Variants in RNLS observed in about 807,000 individuals in gnomAD.
RNLS encodes renalase, FAD dependent amine oxidase, also known as renalase.
Under a neutral mutation model 39.8 loss-of-function variants are expected in RNLS, and 39 were observed. The observed-to-expected ratio is 0.98, with a 90% CI of 0.76 to 1.28. The LOEUF (loss-of-function observed/expected upper bound fraction) is 1.28, where lower values mean the gene tolerates loss of function less well. Among genes scored for constraint, RNLS ranks in the 50% most tolerant of loss-of-function variants. The pLI is 0.00. For synonymous variants in RNLS, 147 were observed against 150.7 expected (o/e 0.98, Z 0.18); for missense variants, 410 against 413.3 (o/e 0.99, Z 0.07).
rs144465650 is a variant in RNLS at position 88,471,667 on chromosome 10, T to C, written c.526+101236A>G. On this transcript the variant is annotated intron_variant, in intron 4 of 6. Coordinates refer to ENST00000331772, the MANE Select transcript of RNLS (RefSeq NM_001031709.3). Reference sequence around the variant, plus strand: ...TAAATTCACAGGGTATCGTTTACTATAGTGAAAGGACGCAGATTAAAATTA... The same window carrying C: ...TAAATTCACAGGGTATCGTTTACTACAGTGAAAGGACGCAGATTAAAATTA... Among the ~76,000 whole-genome samples the C allele has an allele frequency of 4.3e-4, 66 of 152,252 alleles. 1 individual carries two copies. The highest frequency in any genetic ancestry group is 7.2e-4 in the Non-Finnish European group (49 of 68,016).
chr10:88,397,361 G>C (rs1217377246), intron 4 of RNLS, among the ~76,000 whole-genome samples: 1 of 151,882 alleles, frequency 6.6e-6, no homozygotes, highest in Non-Finnish European at 1.5e-5. Context: ...TGTGAATTAA[G>C]CAACACACAC....
chr10:88,437,853 G>C (rs750299438), intron 4 of RNLS, among the ~76,000 whole-genome samples: 1 of 152,040 alleles, frequency 6.6e-6, no homozygotes, highest in Non-Finnish European at 1.5e-5. Context: ...GAGGCCGGGC[G>C]TGGTGGCTCA....
In RNLS at chr10:88,284,773, C is replaced by G. The variant is rs1843156242; in HGVS notation, c.*581G>C. 1 of 985,220 alleles carries G rather than the reference C, an allele frequency of 1.0e-6. No homozygotes were observed. Among genetic ancestry groups the G allele is most frequent in the Non-Finnish European group, 1.2e-6 (1 of 829,916 alleles). 61.0% of individuals were successfully genotyped at this position (985,220 alleles called of 1,614,324 possible). ...ACTTTCTGAAAATCTGAAGGAAGGTCTCTTTATCAGTCAAGTTGCCCTCCA... is the reference window on the plus strand; with the variant it reads ...ACTTTCTGAAAATCTGAAGGAAGGTGTCTTTATCAGTCAAGTTGCCCTCCA... On this transcript the variant is annotated 3_prime_UTR_variant, in exon 7 of 7. Coordinates refer to ENST00000331772, the MANE Select transcript of RNLS (RefSeq NM_001031709.3).
the RNLS span, among the ~76,000 whole-genome samples, chr10:88,246,778 C>T: frequency 6.6e-6 from 1 of 152,118 alleles, no homozygotes. Context: ...TGGATAATTT[C>T]CCAAGTCTCT....
At chr10:88,292,591 A>AAAC (rs1554851480) in intron 6 of RNLS, among the ~76,000 whole-genome samples, 1 of 149,102 alleles carries the variant, frequency 6.7e-6, no homozygotes, top group Non-Finnish European at 1.5e-5. Flanking sequence ...AAAAAAAAAA[A>AAAC]CCTAGTTGCA....
intron 5 of RNLS, among the ~76,000 whole-genome samples, chr10:88,360,747 T>C (rs908391595): frequency 6.6e-6 from 1 of 152,190 alleles, no homozygotes; most frequent in Non-Finnish European, 1.5e-5. Flanking sequence ...GTTCATTTCA[T>C]TCCTAAGCAT....
the RNLS span, among the ~76,000 whole-genome samples, chr10:88,262,565 A>T: frequency 2.0e-5 from 3 of 152,320 alleles, no homozygotes; most frequent in Non-Finnish European, 4.4e-5. Context: ...TTTCAGGGGT[A>T]GTATATCTTT....
the RNLS span, among the ~76,000 whole-genome samples, chr10:88,189,935 G>T: frequency 6.6e-6 from 1 of 152,160 alleles, no homozygotes; most frequent in Non-Finnish European, 1.5e-5. Flanking sequence ...CTGACTGAGT[G>T]CCCCTTCAGC....
the RNLS span, among the ~76,000 whole-genome samples, chr10:88,244,036 C>T: frequency 2.1e-4 from 32 of 152,298 alleles, 1 homozygote; most frequent in Admixed American, 9.8e-4. Context: ...CCAGCATTTG[C>T]GTGCAAAATG....
chr10:88,295,446 C>T (rs1317737054), intron 6 of RNLS, among the ~76,000 whole-genome samples: 1 of 152,120 alleles, frequency 6.6e-6, no homozygotes, highest in Non-Finnish European at 1.5e-5. Context: ...TTCATCATTT[C>T]ATCTTTCCTC....
chr10:88,232,593 C>T, the RNLS span, among the ~76,000 whole-genome samples: 2 of 152,180 alleles, frequency 1.3e-5, no homozygotes, highest in Non-Finnish European at 2.9e-5. Flanking sequence ...ACTTCCACTT[C>T]TTAAAGTAGA....
chr10:88,412,845 A>G (rs1360055304), intron 4 of RNLS, among the ~76,000 whole-genome samples: 2 of 152,224 alleles, frequency 1.3e-5, no homozygotes, highest in Non-Finnish European at 1.5e-5. Flanking sequence ...CCTGCCTAGA[A>G]TAATATCTGG....
At chr10:88,287,227 T>G (rs369228372) in intron 6 of RNLS, among the ~76,000 whole-genome samples, 11 of 152,298 alleles carry the variant, frequency 7.2e-5, no homozygotes, top group African/African-American at 2.4e-4. Context: ...TCTGTAGACC[T>G]GTGTCACTGA....
At chr10:88,172,857 T>G in the RNLS span, among the ~76,000 whole-genome samples, 6 of 78,104 alleles carry the variant, frequency 7.7e-5, no homozygotes, top group East Asian at 3.1e-4. Context: ...TTTTTTTTTT[T>G]TTTTTTTTTT....
intron 4 of RNLS, among the ~76,000 whole-genome samples, chr10:88,468,491 A>G (rs1211281080): frequency 6.6e-6 from 1 of 152,176 alleles, no homozygotes; most frequent in Non-Finnish European, 1.5e-5. Flanking sequence ...GGTAAGTGGC[A>G]TCTAGACTAA....
intron 4 of RNLS, among the ~76,000 whole-genome samples, chr10:88,433,319 G>T (rs892982473): frequency 2.0e-5 from 3 of 151,984 alleles, no homozygotes; most frequent in African/African-American, 7.2e-5. Context: ...CATTGCTAGG[G>T]AAGCAAGGCA....
the RNLS span, among the ~76,000 whole-genome samples, chr10:88,258,581 G>T: frequency 6.6e-5 from 10 of 152,342 alleles, no homozygotes; most frequent in Non-Finnish European, 1.3e-4. Context: ...ATCACTGGGA[G>T]ATCTCCATGC....
At chr10:88,388,643 T>C (rs1300791768) in intron 4 of RNLS, among the ~76,000 whole-genome samples, 1 of 152,194 alleles carries the variant, frequency 6.6e-6, no homozygotes. Flanking sequence ...AGTCCTACTC[T>C]CACAAGCTGT....
intron 4 of RNLS, among the ~76,000 whole-genome samples, chr10:88,398,958 T>A (rs1852737316): frequency 6.6e-6 from 1 of 151,900 alleles, no homozygotes; most frequent in Non-Finnish European, 1.5e-5. Flanking sequence ...AATAACCCAA[T>A]TAAACAGTGG....
Sources: allele counts gnomAD v4.1 joint callset (sites outside exome capture counted in the v4.1 genomes callset), GRCh38; gene constraint gnomAD v4.1.1; transcripts MANE v1.5; gene names NCBI Gene and HGNC (gene_info 2026-07-23, HGNC 2026-07-21).